ABTB2: variants seen among roughly 807,000 people sequenced by gnomAD.
ABTB2 encodes the protein ankyrin repeat and BTB domain containing 2, also known as ankyrin repeat and BTB/POZ domain-containing protein 2.
In ABTB2, 56 loss-of-function variants were observed where a neutral mutation model predicts 104.1. The observed-to-expected ratio is 0.54, with a 90% CI of 0.43 to 0.67. ABTB2 has a LOEUF of 0.67. ABTB2 is among the 30% of genes least tolerant of loss of function. The probability of loss-of-function intolerance (pLI) is 0.00; values close to 1 mark genes in which losing one functional copy is unlikely to be tolerated. For synonymous variants in ABTB2, 606 were observed against 608.2 expected (o/e 1.00, Z 0.05); for missense variants, 1,279 against 1,407.7 (o/e 0.91, Z 1.46).
At chr11:34,334,817 G>A (rs2133119088) in intron 1 of ABTB2, among the ~76,000 whole-genome samples, 1 of 150,774 alleles carries the variant, frequency 6.6e-6, no homozygotes, top group Non-Finnish European at 1.5e-5. Flanking sequence ...TTGGAAGAAA[G>A]TAATTAAAAC....
At chr11:34,276,198 A>G (rs1339621596) in intron 1 of ABTB2, among the ~76,000 whole-genome samples, 1 of 151,338 alleles carries the variant, frequency 6.6e-6, no homozygotes. Flanking sequence ...ATCCTGGTTC[A>G]CCAGTGCTGC....
At chr11:34,164,142 G>A (rs1852763312) in intron 9 of ABTB2, among the ~76,000 whole-genome samples, 1 of 63,138 alleles carries the variant, frequency 1.6e-5, no homozygotes, top group Non-Finnish European at 4.5e-5. Context: ...TTTCTGCCCT[G>A]TAATAAGCCC....
chr11:34,223,813 G>A (rs1853655728), intron 1 of ABTB2, among the ~76,000 whole-genome samples: 1 of 152,190 alleles, frequency 6.6e-6, no homozygotes, highest in Non-Finnish European at 1.5e-5. Flanking sequence ...AACTGCCAGA[G>A]GGTGGAGAAA....
intron 3 of ABTB2, among the ~76,000 whole-genome samples, chr11:34,181,484 C>T (rs1341509118): frequency 6.6e-6 from 1 of 152,140 alleles, no homozygotes; most frequent in Admixed American, 6.5e-5. Context: ...CAAGCACAAG[C>T]CTCGGGTCTC....
chr11:34,253,090 T>C (rs1269708386), intron 1 of ABTB2, among the ~76,000 whole-genome samples: 2 of 152,160 alleles, frequency 1.3e-5, no homozygotes, highest in African/African-American at 4.8e-5. Flanking sequence ...GCAAGGCTGC[T>C]CTATGCCACA....
chr11:34,218,511 A>G (rs1853574074), intron 1 of ABTB2, among the ~76,000 whole-genome samples: 1 of 151,964 alleles, frequency 6.6e-6, no homozygotes, highest in Non-Finnish European at 1.5e-5. Context: ...TTATTTATTT[A>G]TTTTTGCATG....
chr11:34,335,358 CAA>C (rs1002903484), intron 1 of ABTB2: 6 of 898,326 alleles, frequency 6.7e-6, no homozygotes, highest in African/African-American at 4.8e-5. Flanking sequence ...TCCCTCAGCA[CAA>C]AGAGTACAGC....
At chr11:34,240,838 G>A (rs982880619) in intron 1 of ABTB2, among the ~76,000 whole-genome samples, 12 of 152,234 alleles carry the variant, frequency 7.9e-5, no homozygotes, top group Non-Finnish European at 1.2e-4. Context: ...CAGATGATCC[G>A]CCCGCCTTGG....
At chr11:34,172,264 T>TG (rs1405261696) in intron 4 of ABTB2, among the ~76,000 whole-genome samples, 1 of 149,224 alleles carries the variant, frequency 6.7e-6, no homozygotes, top group Non-Finnish European at 1.5e-5. Flanking sequence ...TCCAGTTACT[T>TG]GGGAGGCTGA....
chr11:34,229,044 G>A (rs1853724910), intron 1 of ABTB2, among the ~76,000 whole-genome samples: 1 of 150,990 alleles, frequency 6.6e-6, no homozygotes, highest in Non-Finnish European at 1.5e-5. Context: ...GCTTAAATCT[G>A]GGGGTGCGGA....
intron 1 of ABTB2, among the ~76,000 whole-genome samples, chr11:34,317,006 T>C (rs1028426951): frequency 3.3e-5 from 5 of 152,176 alleles, no homozygotes; most frequent in Non-Finnish European, 7.3e-5. Flanking sequence ...GTGCCTGAGG[T>C]ACTCAGGGCG....
At chr11:34,246,676 C>G (rs1284950139) in intron 1 of ABTB2, among the ~76,000 whole-genome samples, 1 of 148,450 alleles carries the variant, frequency 6.7e-6, no homozygotes, top group Non-Finnish European at 1.5e-5. Flanking sequence ...GTACTCTTCG[C>G]CATTTCAACT....
At chr11:34,313,662 G>A (rs1054453826) in intron 1 of ABTB2, among the ~76,000 whole-genome samples, 4 of 152,282 alleles carry the variant, frequency 2.6e-5, no homozygotes, top group Non-Finnish European at 4.4e-5. Context: ...GCCATGCCAC[G>A]AAAGTGGGAG....
At chr11:34,196,291 C>T (rs960740325) in intron 3 of ABTB2, among the ~76,000 whole-genome samples, 47 of 152,326 alleles carry the variant, frequency 3.1e-4, no homozygotes, top group African/African-American at 9.6e-4. Context: ...CGGTGGCTCA[C>T]GCCTGTAATC....
At chr11:34,219,588 G>A (rs1352438673) in intron 1 of ABTB2, among the ~76,000 whole-genome samples, 1 of 152,174 alleles carries the variant, frequency 6.6e-6, no homozygotes, top group African/African-American at 2.4e-5. Context: ...ACCTAGTGAT[G>A]TTGTAGCCAA....
At position 34,323,053 on chromosome 11, in the gene ABTB2, C is replaced by G. The variant is rs189867185; in HGVS notation, c.883+33648G>C. On this transcript the variant is annotated intron_variant, in intron 1 of 16. Transcript: ENST00000435224. ...GCTCGAGTAGCTGGGATTACAGGCA[C>G]CTGCCACCATGCCCGGCTAATTTTT... 5.5e-3 allele frequency among the ~76,000 whole-genome samples: 831 copies of G among 152,220 alleles called. 5 individuals carry two copies. The highest frequency in any genetic ancestry group is 0.018 in the African/African-American group (736 of 41,520).
At chr11:34,174,345 AAAAAAG>A (rs1442785475) in intron 3 of ABTB2, among the ~76,000 whole-genome samples, 1 of 151,238 alleles carries the variant, frequency 6.6e-6, no homozygotes, top group Non-Finnish European at 1.5e-5. Flanking sequence ...AAAAAAAAAA[AAAAAAG>A]AAAGAAAAAG....
chr11:34,324,726 G>A (rs1385214370), intron 1 of ABTB2, among the ~76,000 whole-genome samples: 1 of 152,184 alleles, frequency 6.6e-6, no homozygotes, highest in Admixed American at 6.5e-5. Context: ...TTTGGGGACC[G>A]CTGGCTGTCC....
chr11:34,242,685 C>G (rs1325284948), intron 1 of ABTB2: 1 of 152,188 alleles, frequency 6.6e-6, no homozygotes, highest in Non-Finnish European at 1.5e-5. Flanking sequence ...AAAGAATGAC[C>G]AGGTGGGGTC....
Sources: gnomAD v4.1 joint callset for allele counts (sites outside exome capture counted in the v4.1 genomes callset) on GRCh38, gnomAD v4.1.1 for gene constraint, MANE v1.5 for transcripts, NCBI Gene and HGNC (gene_info 2026-07-23, HGNC 2026-07-21) for gene names.